The following DPYSL5 variants were observed in gnomAD, a reference collection of about 807,000 sequenced individuals.
The protein encoded by DPYSL5 is dihydropyrimidinase like 5, also known as dihydropyrimidinase-related protein 5.
In DPYSL5, 9 loss-of-function variants were observed where a neutral mutation model predicts 58.4. The observed-to-expected ratio is 0.15, with a 90% CI of 0.09 to 0.27. DPYSL5 has a LOEUF of 0.27. Ranked by LOEUF, DPYSL5 falls within the 10% of genes least tolerant of loss-of-function variation. The pLI is 1.00. For synonymous variants in DPYSL5, 293 were observed against 301.9 expected (o/e 0.97, Z 0.31); for missense variants, 499 against 770.6 (o/e 0.65, Z 4.17).
Position 26,940,084 on chromosome 2 carries a change from A to G in DPYSL5, c.1001A>G (p.Lys334Arg), listed in dbSNP as rs148033785. ...SDHRPFTTKQ[K>R]AMGKEDFTKI... ...CACCGGCCTTTCACCACAAAGCAGA[A>G]AGCTATGGGCAAGGAAGACTTCACC... is the stretch of plus-strand genomic sequence containing the variant. The change falls in exon 9 of 13, where the codon AAA (lysine) becomes AGA (arginine). Residue 334 changes from lysine (K) to arginine (R), a missense_variant. Physicochemically the swap from Lys to Arg is conservative, Grantham distance 26. Transcript: ENST00000288699. 1 of 1,614,218 alleles carries G rather than the reference A, an allele frequency of 6.2e-7. No homozygotes were observed. The highest frequency in any genetic ancestry group is 8.5e-7 in the Non-Finnish European group (1 of 1,180,042).
At chr2:26,853,249 C>T (rs1303209283) in intron 1 of DPYSL5, among the ~76,000 whole-genome samples, 1 of 152,038 alleles carries the variant, frequency 6.6e-6, no homozygotes, top group Non-Finnish European at 1.5e-5. Context: ...AGCTGTTGTC[C>T]CAAGGCTATG....
chr2:26,913,574 A>G (rs1259608004), intron 2 of DPYSL5, among the ~76,000 whole-genome samples: 1 of 152,208 alleles, frequency 6.6e-6, no homozygotes, highest in African/African-American at 2.4e-5. Flanking sequence ...ACATGGGTGT[A>G]CAAATACCTA....
chr2:26,950,256 T>C lies in DPYSL5; in HGVS notation c.*3261T>C, dbSNP rs1025946569. The C allele has an allele frequency of 6.6e-6, 1 of 152,226 alleles. No individual in the cohort carries two copies. Among genetic ancestry groups the C allele is most frequent in the African/African-American group, 2.4e-5 (1 of 41,446 alleles). 9.4% of individuals were successfully genotyped at this position (152,226 alleles called of 1,614,324 possible). On this transcript the variant is annotated 3_prime_UTR_variant, in exon 13 of 13. Transcript: ENST00000288699. The surrounding 1 kb of genome is among the most constrained non-coding windows in gnomAD (Gnocchi z 5.3). ...ACTGTGTCAACCCCAAGACGACACA[T>C]GGTCCTGTGCTTTGGCCACCGTTTG...
chr2:26,867,450 TTTTTGTTTG>T (rs1232886713), intron 1 of DPYSL5, among the ~76,000 whole-genome samples: 23 of 142,502 alleles, frequency 1.6e-4, no homozygotes, highest in African/African-American at 6.3e-4. Context: ...TTTGTTTTTT[TTTTTGTTTG>T]TTTTTTTTTT....
intron 1 of DPYSL5, among the ~76,000 whole-genome samples, chr2:26,893,744 A>G (rs1663945389): frequency 6.6e-6 from 1 of 152,196 alleles, no homozygotes; most frequent in Non-Finnish European, 1.5e-5. Flanking sequence ...AGGTGGAGAG[A>G]GAATCTAGTG....
intron 1 of DPYSL5, among the ~76,000 whole-genome samples, chr2:26,867,682 C>G (rs1434141647): frequency 6.6e-6 from 1 of 151,908 alleles, no homozygotes; most frequent in East Asian, 1.9e-4. Flanking sequence ...GTCTCGATCT[C>G]CTGACCTCGT....
intron 1 of DPYSL5, among the ~76,000 whole-genome samples, chr2:26,878,429 T>C (rs1663466951): frequency 6.6e-6 from 1 of 152,184 alleles, no homozygotes; most frequent in South Asian, 2.1e-4. Flanking sequence ...TCATACCAGT[T>C]TTTATTTGTC....
chr2:26,914,932 T>C (rs1407271160), intron 2 of DPYSL5, among the ~76,000 whole-genome samples: 6 of 152,104 alleles, frequency 3.9e-5, no homozygotes, highest in African/African-American at 9.7e-5. Context: ...TTGGCTTCCA[T>C]AACCCCATAC....
chr2:26,848,289 C>T (rs189588464), intron 1 of DPYSL5, 35 bp downstream of exon 1: 460 of 152,444 alleles, frequency 3.0e-3, no homozygotes, highest in Admixed American at 6.5e-3. Flanking sequence ...GGGCTTACCC[C>T]TCCCGGGCTA....
intron 2 of DPYSL5, among the ~76,000 whole-genome samples, chr2:26,911,953 T>G (rs1391635192): frequency 6.6e-6 from 1 of 152,188 alleles, no homozygotes; most frequent in African/African-American, 2.4e-5. Context: ...AATACAGTGC[T>G]CAAAATGGGG....
chr2:26,899,507 G>A (rs1316375489), intron 2 of DPYSL5, among the ~76,000 whole-genome samples: 2 of 152,166 alleles, frequency 1.3e-5, no homozygotes, highest in Admixed American at 1.3e-4. Context: ...ACATCAGACT[G>A]TGAGCTCCTT....
chr2:26,886,297 A>G (rs2148128045), intron 1 of DPYSL5, among the ~76,000 whole-genome samples: 1 of 152,298 alleles, frequency 6.6e-6, no homozygotes, highest in African/African-American at 2.4e-5. Context: ...TTTGAGAAGT[A>G]GGACATGGTC....
intron 2 of DPYSL5, among the ~76,000 whole-genome samples, chr2:26,907,485 T>C (rs1481541010): frequency 2.6e-5 from 4 of 152,164 alleles, no homozygotes; most frequent in Non-Finnish European, 4.4e-5. Flanking sequence ...ATGCCTGATG[T>C]CGTGTCCCTG....
At chr2:26,889,231 A>G (rs779705470) in intron 1 of DPYSL5, among the ~76,000 whole-genome samples, 2 of 152,080 alleles carry the variant, frequency 1.3e-5, no homozygotes, top group Non-Finnish European at 2.9e-5. Flanking sequence ...TGAAGCATCA[A>G]CAATCGGTAA....
rs187255954 is a variant in DPYSL5 at position 26,861,005 on chromosome 2, G to A, written c.-5+12751G>A. ...AAACAGTAATAATAATTTGTCACCC[G>A]TGGCTGGCTCTGGCTCACCCTGTCA... is the stretch of plus-strand genomic sequence containing the variant. On this transcript the variant is annotated intron_variant, in intron 1 of 12. Coordinates refer to ENST00000288699, the MANE Select transcript of DPYSL5 (RefSeq NM_020134.4). Among the ~76,000 whole-genome samples, 6 of 152,208 alleles carry A rather than the reference G, an allele frequency of 3.9e-5. No homozygotes were observed. The East Asian group carries it at 9.7e-4, about 24-fold the overall frequency.
intron 1 of DPYSL5, among the ~76,000 whole-genome samples, chr2:26,895,004 G>A (rs1663976938): frequency 6.6e-6 from 1 of 152,182 alleles, no homozygotes; most frequent in Non-Finnish European, 1.5e-5. Context: ...TTAAATTAAG[G>A]CTGGGTTTTT....
rs539152226 is a variant in DPYSL5 at position 26,924,664 on chromosome 2, G to A, written c.262-223G>A. 3.3e-5 allele frequency among the ~76,000 whole-genome samples: 5 copies of A among 152,264 alleles called. No homozygotes were observed. The South Asian group carries it at 8.3e-4, about 25-fold the overall frequency. Reference sequence around the variant, plus strand: ...GCGCCAAGCTGAAACCCTGGCGGAGGAAGAAGCAGGTTTGGGGACCCGTGG... The same window carrying A: ...GCGCCAAGCTGAAACCCTGGCGGAGAAAGAAGCAGGTTTGGGGACCCGTGG... On this transcript the variant is annotated intron_variant, in intron 2 of 12. Coordinates refer to ENST00000288699, the MANE Select transcript of DPYSL5 (RefSeq NM_020134.4). The surrounding 1 kb of genome is among the most constrained non-coding windows in gnomAD (Gnocchi z 4.7).
At chr2:26,937,540 T>C (rs1260542356) in intron 8 of DPYSL5, among the ~76,000 whole-genome samples, 2 of 152,172 alleles carry the variant, frequency 1.3e-5, no homozygotes, top group Non-Finnish European at 2.9e-5. Flanking sequence ...TTCCTAATTA[T>C]CTACTTTAGG....
intron 2 of DPYSL5, among the ~76,000 whole-genome samples, chr2:26,911,084 T>TG (rs1202294347): frequency 3.3e-5 from 5 of 150,414 alleles, no homozygotes; most frequent in Admixed American, 6.6e-5. Context: ...GTTCAGTTTT[T>TG]TTTTTTTTTT....
Sources: allele counts gnomAD v4.1 joint callset (sites outside exome capture counted in the v4.1 genomes callset), GRCh38; gene constraint gnomAD v4.1.1; non-coding constraint Gnocchi (gnomAD v3.1); transcripts MANE v1.5; gene names NCBI Gene and HGNC (gene_info 2026-07-23, HGNC 2026-07-21).